The following SLC24A3 variants were observed in gnomAD, a reference collection of about 807,000 sequenced individuals.
SLC24A3 encodes solute carrier family 24 member 3, also known as sodium/potassium/calcium exchanger 3.
In SLC24A3, 28 loss-of-function variants were observed where a neutral mutation model predicts 75.8. The ratio of observed to expected loss-of-function variants is 0.37; its 90% CI spans 0.27 to 0.51. The LOEUF is 0.51. Among genes scored for constraint, SLC24A3 ranks in the 20% least tolerant of loss-of-function variants. The pLI, the probability that SLC24A3 is intolerant of heterozygous loss-of-function variation, is 0.94. For synonymous variants in SLC24A3, 372 were observed against 334.1 expected (o/e 1.11, Z -1.24); for missense variants, 663 against 847.8 (o/e 0.78, Z 2.71).
chr20:19,582,425 A>T (rs1458160316), intron 4 of SLC24A3, among the ~76,000 whole-genome samples: 1 of 152,226 alleles, frequency 6.6e-6, no homozygotes, highest in Non-Finnish European at 1.5e-5. Flanking sequence ...CATTGCTTGG[A>T]GGTCAGGGCA....
chr20:19,238,961 C>T (rs6075491), intron 1 of SLC24A3, among the ~76,000 whole-genome samples: 8 of 103,312 alleles, frequency 7.7e-5, no homozygotes, highest in Admixed American at 1.1e-4. Flanking sequence ...CACACATGGG[C>T]GCATGCACAC....
intron 2 of SLC24A3, among the ~76,000 whole-genome samples, chr20:19,502,973 G>A (rs549349808): frequency 1.3e-5 from 2 of 149,924 alleles, no homozygotes; most frequent in Admixed American, 1.3e-4. Context: ...GCTGCAGTGA[G>A]CCATGATAGT....
At chr20:19,600,671 A>T (rs927460996) in intron 6 of SLC24A3, among the ~76,000 whole-genome samples, 4 of 152,092 alleles carry the variant, frequency 2.6e-5, no homozygotes, top group African/African-American at 9.7e-5. Context: ...TCTTAAAAAT[A>T]TTTTAGAAAT....
chr20:19,213,199 T>C, intron 1 of SLC24A3: 1 of 416,422 alleles, frequency 2.4e-6, no homozygotes, highest in Non-Finnish European at 3.7e-6. Flanking sequence ...CCAGCAGGCT[T>C]AGGCGTCTGG....
chr20:19,213,441 G>C (rs192964498), intron 1 of SLC24A3: 1 of 152,662 alleles, frequency 6.6e-6, no homozygotes, highest in East Asian at 1.9e-4. Flanking sequence ...TCTCCATCCA[G>C]AGAGCAGGCG....
intron 3 of SLC24A3, among the ~76,000 whole-genome samples, chr20:19,578,193 C>T (rs1444641946): frequency 6.6e-6 from 1 of 152,060 alleles, no homozygotes; most frequent in African/African-American, 2.4e-5. Context: ...ATTATTGGCT[C>T]ATGAAATTAG....
intron 2 of SLC24A3, among the ~76,000 whole-genome samples, chr20:19,320,694 C>T (rs1202602823): frequency 2.6e-5 from 4 of 152,050 alleles, no homozygotes; most frequent in South Asian, 4.1e-4. Context: ...AGGGTGGGTG[C>T]CCAAATCCCT....
intron 2 of SLC24A3, among the ~76,000 whole-genome samples, chr20:19,474,079 G>A (rs551786863): frequency 6.6e-6 from 1 of 152,344 alleles, no homozygotes; most frequent in African/African-American, 2.4e-5. Flanking sequence ...GTCCCTGAGG[G>A]AGCTCGCTTC....
chr20:19,485,393 C>T (rs1600248852), intron 2 of SLC24A3, among the ~76,000 whole-genome samples: 1 of 152,082 alleles, frequency 6.6e-6, no homozygotes, highest in Non-Finnish European at 1.5e-5. Context: ...AGTATACATA[C>T]CACTGTATGT....
At position 19,541,802 on chromosome 20, in the gene SLC24A3, G is replaced by A. The variant is rs934741207; in HGVS notation, c.348+26238G>A. ...GGCCACCCTTTCGGGGTTGGGCGGT[G>A]TGTGCGGCTATGGGTCCATCTCTCC... On this transcript the variant is annotated intron_variant, in intron 3 of 16. Transcript: ENST00000328041. 2.6e-5 allele frequency among the ~76,000 whole-genome samples: 4 copies of A among 152,232 alleles called. No homozygotes were observed. The East Asian group carries it at 5.8e-4, about 22-fold the overall frequency.
intron 1 of SLC24A3, among the ~76,000 whole-genome samples, chr20:19,235,821 C>G (rs1299578666): frequency 6.6e-6 from 1 of 152,226 alleles, no homozygotes; most frequent in African/African-American, 2.4e-5. Context: ...CTGAGCCCTG[C>G]AGCCTGCACC....
intron 2 of SLC24A3, among the ~76,000 whole-genome samples, chr20:19,475,256 A>G (rs188872102): frequency 2.6e-5 from 4 of 151,948 alleles, no homozygotes; most frequent in East Asian, 3.9e-4. Context: ...GGAGAATGGC[A>G]TGAACCAGGG....
At chr20:19,302,342 CAATT>C (rs1243238151) in intron 2 of SLC24A3, among the ~76,000 whole-genome samples, 2 of 152,116 alleles carry the variant, frequency 1.3e-5, no homozygotes, top group African/African-American at 4.8e-5. Context: ...AATTAATGAA[CAATT>C]GATTGAATGA....
intron 1 of SLC24A3, among the ~76,000 whole-genome samples, chr20:19,241,054 G>A (rs558331365): frequency 6.6e-6 from 1 of 152,186 alleles, no homozygotes; most frequent in Admixed American, 6.5e-5. Flanking sequence ...GAAGAGGGTT[G>A]GTCTAGATTT....
At chr20:19,289,934 C>A (rs2122234200) in intron 2 of SLC24A3, among the ~76,000 whole-genome samples, 1 of 152,310 alleles carries the variant, frequency 6.6e-6, no homozygotes, top group Non-Finnish European at 1.5e-5. Flanking sequence ...TCTAAGGTTG[C>A]CTGTCTCCCA....
chr20:19,635,149 C>T (rs1040142939), intron 6 of SLC24A3, among the ~76,000 whole-genome samples: 1 of 152,312 alleles, frequency 6.6e-6, no homozygotes, highest in Non-Finnish European at 1.5e-5. Flanking sequence ...TGACTACAAG[C>T]TCGTTGAAAT....
chr20:19,298,003 G>T (rs1984100107), intron 2 of SLC24A3, among the ~76,000 whole-genome samples: 1 of 152,232 alleles, frequency 6.6e-6, no homozygotes. Flanking sequence ...TGCACATTCA[G>T]CTATGACAGT....
intron 6 of SLC24A3, among the ~76,000 whole-genome samples, chr20:19,613,495 T>C (rs1053918690): frequency 6.6e-6 from 1 of 152,224 alleles, no homozygotes; most frequent in Non-Finnish European, 1.5e-5. Flanking sequence ...GAATTCTCCC[T>C]GGAATGTGTG....
chr20:19,263,657 A>G (rs574626164), intron 1 of SLC24A3, among the ~76,000 whole-genome samples: 4 of 152,294 alleles, frequency 2.6e-5, no homozygotes, highest in African/African-American at 9.6e-5. Context: ...CTTACCTATC[A>G]GTGGATCTCA....
Sources: gnomAD v4.1 joint callset for allele counts (sites outside exome capture counted in the v4.1 genomes callset) on GRCh38, gnomAD v4.1.1 for gene constraint, MANE v1.5 for transcripts, NCBI Gene and HGNC (gene_info 2026-07-23, HGNC 2026-07-21) for gene names.